Variants in DRAM1 observed in about 807,000 individuals in gnomAD.
DRAM1 encodes DNA damage-regulated autophagy modulator protein 1.
A neutral mutation model predicts 28.5 loss-of-function variants in DRAM1; 25 were observed. The observed-to-expected ratio is 0.88, with a 90% CI of 0.64 to 1.23. The LOEUF is 1.23. Ranked by LOEUF, DRAM1 falls within the 50% of genes most tolerant of loss-of-function variation. The probability of loss-of-function intolerance (pLI) is 0.00; values close to 1 mark genes in which losing one functional copy is unlikely to be tolerated. For synonymous variants in DRAM1, 113 were observed against 114.2 expected (o/e 0.99, Z 0.07); for missense variants, 249 against 299.2 (o/e 0.83, Z 1.24).
intron 4 of DRAM1, among the ~76,000 whole-genome samples, chr12:101,909,874 T>C (rs1873975144): frequency 6.6e-6 from 1 of 152,174 alleles, no homozygotes; most frequent in African/African-American, 2.4e-5. Context: ...CCATCTGTAG[T>C]CATATCAGAG....
At chr12:101,917,530 A>G (rs1447260999) in intron 5 of DRAM1, among the ~76,000 whole-genome samples, 2 of 150,378 alleles carry the variant, frequency 1.3e-5, no homozygotes, top group Non-Finnish European at 2.9e-5. Context: ...GTACTAAAAA[A>G]AAAAAAAATT....
chr12:101,895,186 G>GTTTTTTTTTTTTTTGGTTTTT (rs1873301395), intron 1 of DRAM1, among the ~76,000 whole-genome samples: 1 of 75,720 alleles, frequency 1.3e-5, no homozygotes, highest in Non-Finnish European at 2.3e-5. Context: ...AACCCTTCAG[G>GTTTTTTTTTTTTTTGGTTTTT]TTTTTTTTTT....
rs371402552 is a variant in DRAM1 at position 101,879,946 on chromosome 12, G to C, written c.131+2026G>C. ...GCAGAGGTTGCAGTGAGCCGAGACAGAGCTACTGCACTCCAGCCTGGTGAC... is the reference window on the plus strand; with the variant it reads ...GCAGAGGTTGCAGTGAGCCGAGACACAGCTACTGCACTCCAGCCTGGTGAC... On this transcript the variant is annotated intron_variant, in intron 1 of 6. Transcript: ENST00000258534. 5.7e-3 allele frequency among the ~76,000 whole-genome samples: 860 copies of C among 150,882 alleles called. 2 individuals carry two copies. Among genetic ancestry groups the C allele is most frequent in the Non-Finnish European group, 7.2e-3 (490 of 67,882 alleles).
chr12:101,906,027 A>G (rs567605811), intron 3 of DRAM1, among the ~76,000 whole-genome samples: 10 of 152,158 alleles, frequency 6.6e-5, no homozygotes, highest in Admixed American at 2.0e-4. Flanking sequence ...TGACCTTGTA[A>G]TCCACCTGCC....
At chr12:101,879,135 C>T (rs539791323) in intron 1 of DRAM1, among the ~76,000 whole-genome samples, 1 of 152,258 alleles carries the variant, frequency 6.6e-6, no homozygotes, top group African/African-American at 2.4e-5. Context: ...GCTGAGATTA[C>T]AGGCGTGCAC....
intron 1 of DRAM1, among the ~76,000 whole-genome samples, chr12:101,891,045 G>A (rs1327387009): frequency 1.3e-5 from 2 of 152,112 alleles, no homozygotes; most frequent in East Asian, 1.9e-4. Context: ...CACCGCGCCC[G>A]GCCTGCCCCC....
rs1874555776 is a variant in DRAM1 at position 101,923,334 on chromosome 12, C to T, written c.*2074C>T. The T allele has an allele frequency of 6.6e-6, 1 of 152,310 alleles. No homozygotes were observed. The highest frequency in any genetic ancestry group is 2.1e-4 in the South Asian group (1 of 4,822). 9.4% of individuals were successfully genotyped at this position (152,310 alleles called of 1,614,324 possible). On this transcript the variant is annotated 3_prime_UTR_variant, in exon 7 of 7. Coordinates refer to ENST00000258534, the MANE Select transcript of DRAM1 (RefSeq NM_018370.3). ...CGAGCAGACTTTTGTTCTCGGCGCT[C>T]CTCACGATGGAGTTTCATGCTTCAT...
chr12:101,909,976 T>C (rs1289990103), intron 4 of DRAM1, among the ~76,000 whole-genome samples: 1 of 152,234 alleles, frequency 6.6e-6, no homozygotes, highest in African/African-American at 2.4e-5. Flanking sequence ...TAGTCTGGGT[T>C]GAGTTACGGT....
intron 1 of DRAM1, 74 bp from the exon 2 acceptor site, chr12:101,897,789 G>T (rs376292648): frequency 1.9e-6 from 2 of 1,041,340 alleles, no homozygotes; most frequent in Non-Finnish European, 2.9e-6. Flanking sequence ...TATAAAACTC[G>T]CCAATTACGT....
chr12:101,896,260 A>G (rs1001042549), intron 1 of DRAM1, among the ~76,000 whole-genome samples: 3 of 152,236 alleles, frequency 2.0e-5, no homozygotes, highest in Non-Finnish European at 4.4e-5. Flanking sequence ...TTTTCTGCAC[A>G]CACAGGCTCC....
At chr12:101,884,539 C>G (rs75697276) in intron 1 of DRAM1, among the ~76,000 whole-genome samples, 1,990 of 152,294 alleles carry the variant, frequency 0.013, 18 homozygotes, top group Middle Eastern at 0.02. Flanking sequence ...ATATCTTGCT[C>G]ATGATATTCT....
In DRAM1 at chr12:101,918,982, C is replaced by T. The variant is rs1448578560; in HGVS notation, c.580-1127C>T. On this transcript the variant is annotated intron_variant, in intron 5 of 6. Coordinates refer to ENST00000258534, the MANE Select transcript of DRAM1 (RefSeq NM_018370.3). ...TGTCACCCAGGTTGGAGTAGAGTGA[C>T]GCAATCATGGTTCACTGCAACCTCT... is the stretch of plus-strand genomic sequence containing the variant. 3.3e-5 allele frequency among the ~76,000 whole-genome samples: 5 copies of T among 151,788 alleles called. No homozygotes were observed. In the South Asian group the frequency reaches 8.3e-4, roughly 25 times the overall value.
At chr12:101,894,993 G>A (rs1436737543) in intron 1 of DRAM1, among the ~76,000 whole-genome samples, 1 of 152,056 alleles carries the variant, frequency 6.6e-6, no homozygotes, top group Non-Finnish European at 1.5e-5. Context: ...CCCTGGCAGA[G>A]TTAATTGTGT....
chr12:101,881,699 G>C (rs12230626), intron 1 of DRAM1, among the ~76,000 whole-genome samples: 47,489 of 151,952 alleles, frequency 0.31, 8,718 homozygotes, highest in African/African-American at 0.51. Context: ...TTCCTGCAGA[G>C]TTTTTCACTT....
rs1275641967 is a variant in DRAM1, at chr12:101,879,399, A to T, written c.131+1479A>T. Among the ~76,000 whole-genome samples the T allele has an allele frequency of 3.3e-5, 5 of 152,330 alleles. No homozygotes were observed. In the East Asian group the frequency reaches 9.6e-4, roughly 29 times the overall value. On this transcript the variant is annotated intron_variant, in intron 1 of 6. Transcript: ENST00000258534. ...GCCTATGAAAGGAGATGTTATGTAT[A>T]TCAAGATGTTCTCATCTGGCCTTTC...
intron 3 of DRAM1, among the ~76,000 whole-genome samples, chr12:101,902,199 C>T (rs547847888): frequency 2.4e-4 from 37 of 152,174 alleles, no homozygotes; most frequent in Non-Finnish European, 3.7e-4. Context: ...TTGAAATTTT[C>T]CTGTGACACA....
chr12:101,894,482 G>A (rs564228103), intron 1 of DRAM1, among the ~76,000 whole-genome samples: 1 of 152,214 alleles, frequency 6.6e-6, no homozygotes, highest in East Asian at 1.9e-4. Flanking sequence ...GAACTCCTGA[G>A]CTCAAGTGAT....
Position 101,921,442 on chromosome 12 carries a change from G to T in DRAM1, c.*182G>T. ...TCTAAAGATGTGTTTCCTAGAGAAT[G>T]TACAGCCTTATGACACTGTAGTGAT... On this transcript the variant is annotated 3_prime_UTR_variant, in exon 7 of 7. Transcript: ENST00000258534. 1.7e-6 allele frequency: 1 copy of T among 594,112 alleles called. No homozygotes were observed. Among genetic ancestry groups the T allele is most frequent in the Non-Finnish European group, 3.0e-6 (1 of 331,586 alleles). 36.8% of individuals were successfully genotyped at this position (594,112 alleles called of 1,614,324 possible).
intron 1 of DRAM1, among the ~76,000 whole-genome samples, chr12:101,880,631 A>G (rs1872658864): frequency 1.3e-5 from 2 of 152,146 alleles, no homozygotes; most frequent in African/African-American, 4.8e-5. Flanking sequence ...TGTTTGTCCC[A>G]GATCTGAAGG....
Sources: gnomAD v4.1 joint callset for allele counts (sites outside exome capture counted in the v4.1 genomes callset) on GRCh38, gnomAD v4.1.1 for gene constraint, MANE v1.5 for transcripts, NCBI Gene and HGNC (gene_info 2026-07-23, HGNC 2026-07-21) for gene names.